Variants in FIRRM observed in about 807,000 individuals in gnomAD.
FIRRM encodes the protein FIGNL1-interacting regulator of recombination and mitosis.
At chr1:169,853,565 T>C in the FIRRM span, 1 of 778,114 alleles carries the variant, frequency 1.3e-6, no homozygotes, top group Non-Finnish European at 2.1e-6. Context: ...AGTCTCCTAC[T>C]TCAGTTGGCA....
At chr1:169,850,990 TTTTTTTTTTTTTTTTTA>T in the FIRRM span, 2 of 54,840 alleles carry the variant, frequency 3.6e-5, no homozygotes, top group South Asian at 7.8e-4. Flanking sequence ...CTTTTTTTTT[TTTTTTTTTTTTTTTTTA>T]TTTGGGCAGC....
chr1:169,839,084 T>G, the FIRRM span, among the ~76,000 whole-genome samples: 1 of 152,168 alleles, frequency 6.6e-6, no homozygotes, highest in Non-Finnish European at 1.5e-5. Context: ...GTCTAGCCGC[T>G]CTCTGTTGCT....
At chr1:169,823,502 T>A in the FIRRM span, 1 of 1,413,910 alleles carries the variant, frequency 7.1e-7, no homozygotes, top group Non-Finnish European at 9.9e-7. Context: ...ATTATTAAGA[T>A]ACAACAATGC....
chr1:169,810,233 C>A, the FIRRM span, among the ~76,000 whole-genome samples: 1 of 152,140 alleles, frequency 6.6e-6, no homozygotes, highest in South Asian at 2.1e-4. Flanking sequence ...AATCTTCAAG[C>A]CATATCATCT....
At chr1:169,796,164 A>G in the FIRRM span, among the ~76,000 whole-genome samples, 3 of 152,270 alleles carry the variant, frequency 2.0e-5, no homozygotes, top group African/African-American at 7.2e-5. Context: ...AAATCTCAGA[A>G]GGTGCCAAAG....
the FIRRM span, among the ~76,000 whole-genome samples, chr1:169,822,747 G>A: frequency 6.6e-5 from 10 of 151,834 alleles, no homozygotes; most frequent in Admixed American, 5.9e-4. Flanking sequence ...TGATCTGCCT[G>A]CCCTGCCCTC....
chr1:169,803,857 C>T, the FIRRM span, among the ~76,000 whole-genome samples: 2 of 152,108 alleles, frequency 1.3e-5, no homozygotes, highest in Non-Finnish European at 2.9e-5. Flanking sequence ...TAATGTTACC[C>T]TTTTTTAGTT....
At chr1:169,796,553 GT>G in the FIRRM span, among the ~76,000 whole-genome samples, 1 of 152,146 alleles carries the variant, frequency 6.6e-6, no homozygotes, top group Non-Finnish European at 1.5e-5. Context: ...TCCAAACTAT[GT>G]CTTGAATCAA....
the FIRRM span, among the ~76,000 whole-genome samples, chr1:169,820,738 T>A: frequency 6.6e-6 from 1 of 152,182 alleles, no homozygotes; most frequent in Admixed American, 6.5e-5. Context: ...GTTGACTAAT[T>A]GGTGCTGCAG....
At chr1:169,822,454 A>T in the FIRRM span, among the ~76,000 whole-genome samples, 2 of 152,116 alleles carry the variant, frequency 1.3e-5, no homozygotes, top group Non-Finnish European at 2.9e-5. Flanking sequence ...GGCTGCTGTA[A>T]GCATTCTCTG....
the FIRRM span, among the ~76,000 whole-genome samples, chr1:169,841,715 A>T: frequency 6.6e-6 from 1 of 152,224 alleles, no homozygotes; most frequent in Admixed American, 6.5e-5. Flanking sequence ...GAAAAATAAA[A>T]ATCTAGTAAC....
At chr1:169,853,347 T>TAAAG in the FIRRM span, 5 of 318,196 alleles carry the variant, frequency 1.6e-5, no homozygotes, top group African/African-American at 6.5e-5. Flanking sequence ...ACTCTTATGT[T>TAAAG]AAAGAATGGC....
the FIRRM span, among the ~76,000 whole-genome samples, chr1:169,827,410 G>C: frequency 4.6e-5 from 7 of 152,254 alleles, no homozygotes; most frequent in East Asian, 1.3e-3. Context: ...GGCCGAGGTG[G>C]GCAGATCACC....
At chr1:169,788,495 T>C in the FIRRM span, among the ~76,000 whole-genome samples, 1 of 152,112 alleles carries the variant, frequency 6.6e-6, no homozygotes, top group Non-Finnish European at 1.5e-5. Context: ...CTTAGTTGAC[T>C]GTTTATGTTA....
the FIRRM span, among the ~76,000 whole-genome samples, chr1:169,814,872 C>G: frequency 6.6e-6 from 1 of 152,180 alleles, no homozygotes; most frequent in Non-Finnish European, 1.5e-5. Flanking sequence ...CACCCCTAGA[C>G]CCCATGTTGT....
the FIRRM span, chr1:169,837,086 C>T: frequency 1.7e-4 from 278 of 1,589,310 alleles, 1 homozygote; most frequent in Non-Finnish European, 2.2e-4. Context: ...GAGCAGGAGT[C>T]GTACTTTGGG....
At chr1:169,836,899 C>T in the FIRRM span, 7 of 1,571,914 alleles carry the variant, frequency 4.5e-6, no homozygotes, top group South Asian at 8.2e-5. Context: ...TCTCATGTTA[C>T]TCTTCTTTCT....
At chr1:169,799,231 C>T in the FIRRM span, among the ~76,000 whole-genome samples, 115,021 of 152,172 alleles carry the variant, frequency 0.76, 44,495 homozygotes, top group African/African-American at 0.92. Context: ...TTAGTTGTTA[C>T]GATTAGACCT....
chr1:169,789,828 C>T, the FIRRM span, among the ~76,000 whole-genome samples: 1 of 152,234 alleles, frequency 6.6e-6, no homozygotes, highest in African/African-American at 2.4e-5. Context: ...GCAGGACTTC[C>T]TATCTGGTTC....
Sources: allele counts gnomAD v4.1 joint callset (sites outside exome capture counted in the v4.1 genomes callset), GRCh38; gene constraint gnomAD v4.1.1; transcripts MANE v1.5; gene names NCBI Gene and HGNC (gene_info 2026-07-23, HGNC 2026-07-21).